Variants in ABTB3 observed in about 807,000 individuals in gnomAD.
The protein encoded by ABTB3 is ankyrin repeat- and BTB/POZ domain-containing protein 3.
chr12:107,634,055 CTT>C, the ABTB3 span, among the ~76,000 whole-genome samples: 1 of 152,334 alleles, frequency 6.6e-6, no homozygotes, highest in African/African-American at 2.4e-5. Context: ...AGTTGAGTCT[CTT>C]TGTCCTTCAA....
chr12:107,644,972 CTTTTTTT>C, the ABTB3 span, among the ~76,000 whole-genome samples: 30 of 127,196 alleles, frequency 2.4e-4, no homozygotes, highest in East Asian at 5.5e-3. Context: ...TCAAAATTCA[CTTTTTTT>C]TTTTTTTTTT....
the ABTB3 span, among the ~76,000 whole-genome samples, chr12:107,610,866 A>T: frequency 2.6e-5 from 4 of 152,156 alleles, no homozygotes. Flanking sequence ...ACAGTGAGAG[A>T]CATGTGGGCC....
the ABTB3 span, among the ~76,000 whole-genome samples, chr12:107,458,855 C>T: frequency 3.3e-5 from 5 of 152,148 alleles, no homozygotes; most frequent in Non-Finnish European, 5.9e-5. Flanking sequence ...GGGAATGAGG[C>T]CCTTCTCCTT....
At chr12:107,462,665 G>T in the ABTB3 span, among the ~76,000 whole-genome samples, 4 of 151,928 alleles carry the variant, frequency 2.6e-5, no homozygotes, top group Admixed American at 2.0e-4. Context: ...GATGATGGTG[G>T]TGATAGTGAT....
chr12:107,583,582 C>T, the ABTB3 span, among the ~76,000 whole-genome samples: 1 of 152,184 alleles, frequency 6.6e-6, no homozygotes, highest in Non-Finnish European at 1.5e-5. Flanking sequence ...TTCTGGATGG[C>T]TCTGTCCCTT....
At chr12:107,589,556 G>A in the ABTB3 span, among the ~76,000 whole-genome samples, 3 of 152,344 alleles carry the variant, frequency 2.0e-5, no homozygotes, top group African/African-American at 7.2e-5. Context: ...CCCAGGATGT[G>A]CAACCAGAGA....
chr12:107,384,097 T>A, the ABTB3 span, among the ~76,000 whole-genome samples: 3 of 152,172 alleles, frequency 2.0e-5, 1 homozygote, highest in Admixed American at 1.3e-4. Flanking sequence ...ACAAGCGTGC[T>A]CCTTGCAAAA....
chr12:107,352,832 G>T, the ABTB3 span, among the ~76,000 whole-genome samples: 1 of 152,154 alleles, frequency 6.6e-6, no homozygotes, highest in Non-Finnish European at 1.5e-5. Flanking sequence ...TGGAGAGAAT[G>T]AGTGGGTTTG....
the ABTB3 span, among the ~76,000 whole-genome samples, chr12:107,530,352 C>T: frequency 1.3e-5 from 2 of 152,200 alleles, no homozygotes; most frequent in African/African-American, 4.8e-5. Flanking sequence ...AGATAAGCGT[C>T]TTCCACCCTC....
At chr12:107,655,139 G>A in the ABTB3 span, among the ~76,000 whole-genome samples, 3 of 152,030 alleles carry the variant, frequency 2.0e-5, no homozygotes, top group Non-Finnish European at 4.4e-5. Flanking sequence ...CTTCAAGTTC[G>A]TTGTCAGGCA....
the ABTB3 span, among the ~76,000 whole-genome samples, chr12:107,484,517 G>C: frequency 6.6e-6 from 1 of 152,160 alleles, no homozygotes; most frequent in Non-Finnish European, 1.5e-5. Flanking sequence ...GTCCCTTGCA[G>C]GCATTGTAAG....
chr12:107,509,459 C>T, the ABTB3 span, among the ~76,000 whole-genome samples: 1 of 152,150 alleles, frequency 6.6e-6, no homozygotes, highest in African/African-American at 2.4e-5. Context: ...CAACCATGAA[C>T]ACTGAGTACC....
chr12:107,635,958 C>T, the ABTB3 span, among the ~76,000 whole-genome samples: 2 of 148,474 alleles, frequency 1.3e-5, no homozygotes, highest in South Asian at 2.1e-4. Flanking sequence ...TTATAAGTCT[C>T]ATGAGAGTAT....
At chr12:107,484,641 G>GA in the ABTB3 span, among the ~76,000 whole-genome samples, 61 of 151,172 alleles carry the variant, frequency 4.0e-4, no homozygotes, top group African/African-American at 1.4e-3. Flanking sequence ...GTTGCATTGA[G>GA]AATAGACCCT....
chr12:107,538,339 C>T, the ABTB3 span, among the ~76,000 whole-genome samples: 1 of 152,210 alleles, frequency 6.6e-6, no homozygotes, highest in Non-Finnish European at 1.5e-5. Flanking sequence ...GATGCATATG[C>T]TAGCAGGACC....
At chr12:107,353,657 G>A in the ABTB3 span, among the ~76,000 whole-genome samples, 6 of 152,288 alleles carry the variant, frequency 3.9e-5, no homozygotes, top group African/African-American at 1.4e-4. Flanking sequence ...GACCAGTAGG[G>A]GTCCATGGCC....
the ABTB3 span, among the ~76,000 whole-genome samples, chr12:107,423,659 T>G: frequency 2.0e-5 from 3 of 151,908 alleles, no homozygotes; most frequent in African/African-American, 7.3e-5. Flanking sequence ...CAAATGACCC[T>G]GGACATCAGG....
At chr12:107,445,828 C>T in the ABTB3 span, among the ~76,000 whole-genome samples, 1 of 149,648 alleles carries the variant, frequency 6.7e-6, no homozygotes, top group Non-Finnish European at 1.5e-5. Flanking sequence ...GCCTCTTCCT[C>T]CATCTTTAAG....
the ABTB3 span, among the ~76,000 whole-genome samples, chr12:107,598,572 T>C: frequency 4.6e-5 from 7 of 152,190 alleles, no homozygotes; most frequent in African/African-American, 1.7e-4. Context: ...CACATTTCTT[T>C]CCCAGGTGAT....
Sources: allele counts gnomAD v4.1 joint callset (sites outside exome capture counted in the v4.1 genomes callset), GRCh38; gene constraint gnomAD v4.1.1; transcripts MANE v1.5; gene names NCBI Gene and HGNC (gene_info 2026-07-23, HGNC 2026-07-21).